The following EPB41 variants were observed in gnomAD, a reference collection of about 807,000 sequenced individuals.
EPB41 encodes protein 4.1.
Under a neutral mutation model 108.0 loss-of-function variants are expected in EPB41, and 65 were observed. The observed-to-expected ratio is 0.60, with a 90% CI of 0.49 to 0.74. The LOEUF (loss-of-function observed/expected upper bound fraction) is 0.74. Among genes scored for constraint, EPB41 ranks in the 30% least tolerant of loss-of-function variants. The probability of loss-of-function intolerance (pLI) is 0.00; values close to 1 mark genes in which losing one functional copy is unlikely to be tolerated. For synonymous variants in EPB41, 336 were observed against 358.9 expected (o/e 0.94, Z 0.72); for missense variants, 875 against 1,037.0 (o/e 0.84, Z 2.15).
chr1:29,025,771 AG>A (rs1249900207), intron 7 of EPB41, among the ~76,000 whole-genome samples: 10 of 151,852 alleles, frequency 6.6e-5, no homozygotes, highest in Non-Finnish European at 1.2e-4. Context: ...GGGCAGAGCA[AG>A]GTAGTCATCC....
At chr1:28,899,497 C>T (rs893519752) in intron 1 of EPB41, among the ~76,000 whole-genome samples, 3 of 152,128 alleles carry the variant, frequency 2.0e-5, no homozygotes, top group Non-Finnish European at 2.9e-5. Flanking sequence ...TTGCAGCCTC[C>T]GATGATGCCA....
At chr1:29,088,094 T>C (rs1410729051) in intron 16 of EPB41, among the ~76,000 whole-genome samples, 1 of 150,326 alleles carries the variant, frequency 6.7e-6, no homozygotes, top group Non-Finnish European at 1.5e-5. Context: ...TCGCACAAGC[T>C]GGAGTGCAGT....
At chr1:29,076,400 A>G (rs1276750394) in intron 16 of EPB41, among the ~76,000 whole-genome samples, 1 of 152,186 alleles carries the variant, frequency 6.6e-6, no homozygotes, top group African/African-American at 2.4e-5. Flanking sequence ...ATTTTTTTAG[A>G]TAAAAGAGTA....
intron 1 of EPB41, among the ~76,000 whole-genome samples, chr1:28,920,451 A>G (rs992875918): frequency 1.3e-5 from 2 of 152,130 alleles, no homozygotes; most frequent in African/African-American, 4.8e-5. Flanking sequence ...GAATCATAGC[A>G]CCGGACACAA....
chr1:28,921,834 C>T (rs893128964), intron 1 of EPB41, among the ~76,000 whole-genome samples: 3 of 150,714 alleles, frequency 2.0e-5, no homozygotes, highest in African/African-American at 7.3e-5. Context: ...CTGGCATCCT[C>T]AACACTTGAA....
At chr1:29,100,519 A>G (rs1664956715) in intron 17 of EPB41, among the ~76,000 whole-genome samples, 1 of 148,090 alleles carries the variant, frequency 6.8e-6, no homozygotes, top group Admixed American at 6.9e-5. Context: ...ATTAGAAAAA[A>G]GAGAATTAGG....
intron 1 of EPB41, among the ~76,000 whole-genome samples, chr1:28,948,927 G>T (rs2094594629): frequency 6.6e-6 from 1 of 152,182 alleles, no homozygotes; most frequent in Admixed American, 6.5e-5. Context: ...TCCAGCCTGG[G>T]TGACGGAGCG....
chr1:28,975,961 A>G (rs2095598669), intron 1 of EPB41, among the ~76,000 whole-genome samples: 1 of 143,988 alleles, frequency 6.9e-6, no homozygotes, highest in Non-Finnish European at 1.5e-5. Context: ...AAAAAAAAAA[A>G]GAAAGAAAGA....
chr1:28,904,667 G>C (rs1051497794), intron 1 of EPB41, among the ~76,000 whole-genome samples: 2 of 151,906 alleles, frequency 1.3e-5, no homozygotes, highest in African/African-American at 4.8e-5. Flanking sequence ...GGAGGCGGAG[G>C]CGGGTGGATT....
intron 2 of EPB41, among the ~76,000 whole-genome samples, chr1:28,991,883 C>T (rs939741131): frequency 2.0e-5 from 3 of 152,030 alleles, no homozygotes; most frequent in African/African-American, 7.3e-5. Context: ...TACTACGTGC[C>T]TCGCAGGGTA....
chr1:28,975,423 G>T (rs533340362), intron 1 of EPB41, among the ~76,000 whole-genome samples: 9 of 152,208 alleles, frequency 5.9e-5, no homozygotes, highest in African/African-American at 2.2e-4. Flanking sequence ...GCTCAGTATT[G>T]ATTTCAGCTT....
chr1:29,028,659 G>A (rs761248465), intron 7 of EPB41, among the ~76,000 whole-genome samples: 79 of 152,154 alleles, frequency 5.2e-4, no homozygotes, highest in Non-Finnish European at 9.7e-4. Context: ...TAACTTGCCT[G>A]TGGTAATGTG....
In EPB41 at chr1:29,078,090, G is replaced by A. The variant is rs570734249; in HGVS notation, c.2184+12932G>A. Reference sequence around the variant, plus strand: ...AAAATACAAAAATTAGCCAGGTATGGTGGCGCACGCCTATAATCTCAGCTA... The same window carrying A: ...AAAATACAAAAATTAGCCAGGTATGATGGCGCACGCCTATAATCTCAGCTA... On this transcript the variant is annotated intron_variant, in intron 16 of 20. Transcript: ENST00000343067. Among the ~76,000 whole-genome samples the A allele has an allele frequency of 1.5e-3, 222 of 152,224 alleles. 2 individuals carry two copies. The South Asian group carries it at 0.044, about 30-fold the overall frequency.
At chr1:28,990,156 G>A (rs116742435) in intron 2 of EPB41, among the ~76,000 whole-genome samples, 3,699 of 149,796 alleles carry the variant, frequency 0.025, 146 homozygotes, top group African/African-American at 0.086. Context: ...CTCGGAAGGC[G>A]AGGCAGGAAA....
At chr1:28,980,010 G>A (rs1370231731) in intron 1 of EPB41, among the ~76,000 whole-genome samples, 2 of 152,198 alleles carry the variant, frequency 1.3e-5, no homozygotes, top group South Asian at 2.1e-4. Flanking sequence ...TCAGATGAAT[G>A]GATTGGCCAC....
At chr1:29,046,363 G>A (rs1390792286) in intron 11 of EPB41, among the ~76,000 whole-genome samples, 1 of 151,974 alleles carries the variant, frequency 6.6e-6, no homozygotes, top group East Asian at 1.9e-4. Context: ...TCCTGACCTC[G>A]TGATCCACCC....
At chr1:29,056,432 C>G (rs1490801315) in intron 12 of EPB41, among the ~76,000 whole-genome samples, 1 of 152,100 alleles carries the variant, frequency 6.6e-6, no homozygotes, top group Non-Finnish European at 1.5e-5. Flanking sequence ...GAGATATATT[C>G]TGCCAGTATA....
At chr1:29,028,654 T>C (rs1210458186) in intron 7 of EPB41, among the ~76,000 whole-genome samples, 1 of 152,170 alleles carries the variant, frequency 6.6e-6, no homozygotes, top group Non-Finnish European at 1.5e-5. Flanking sequence ...GGTCCTAACT[T>C]GCCTGTGGTA....
chr1:28,917,756 G>A (rs533802205), intron 1 of EPB41, among the ~76,000 whole-genome samples: 17 of 149,556 alleles, frequency 1.1e-4, no homozygotes, highest in Non-Finnish European at 1.6e-4. Context: ...TTTTTTTTTC[G>A]TTTTTAAAAC....
Sources: gnomAD v4.1 joint callset for allele counts (sites outside exome capture counted in the v4.1 genomes callset) on GRCh38, gnomAD v4.1.1 for gene constraint, MANE v1.5 for transcripts, NCBI Gene and HGNC (gene_info 2026-07-23, HGNC 2026-07-21) for gene names.